ZNF131: variants seen among roughly 807,000 people sequenced by gnomAD.
ZNF131 encodes the protein zinc finger protein 131.
Under a neutral mutation model 60.0 loss-of-function variants are expected in ZNF131, and 7 were observed. That is an observed-to-expected ratio of 0.12 (90% confidence interval 0.07 to 0.22). The LOEUF (loss-of-function observed/expected upper bound fraction) is 0.22, where lower values mean the gene tolerates loss of function less well. Among genes scored for constraint, ZNF131 ranks in the 10% least tolerant of loss-of-function variants. The pLI, the probability that ZNF131 is intolerant of heterozygous loss-of-function variation, is 1.00. For synonymous variants in ZNF131, 257 were observed against 253.2 expected (o/e 1.01, Z -0.14); for missense variants, 493 against 740.9 (o/e 0.67, Z 3.88).
chr5:43,131,114 C>G (rs897276413), intron 3 of ZNF131, among the ~76,000 whole-genome samples: 2 of 151,988 alleles, frequency 1.3e-5, no homozygotes, highest in African/African-American at 4.8e-5. Context: ...ATCTGTCCAT[C>G]TTGGCCTCCC....
chr5:43,143,366 T>C, intron 4 of ZNF131: 1 of 1,330,554 alleles, frequency 7.5e-7, no homozygotes. Context: ...ATTTTAGATC[T>C]TGTTGAAAGC....
chr5:43,151,411 T>G (rs1055308730), intron 4 of ZNF131, among the ~76,000 whole-genome samples: 7 of 152,172 alleles, frequency 4.6e-5, no homozygotes, highest in African/African-American at 1.7e-4. Flanking sequence ...AACCACCTCT[T>G]AGGTGTAAGT....
chr5:43,148,364 A>G (rs1290688191), intron 4 of ZNF131, among the ~76,000 whole-genome samples: 3 of 152,174 alleles, frequency 2.0e-5, no homozygotes, highest in Non-Finnish European at 4.4e-5. Flanking sequence ...GTGCAACAGA[A>G]CGAGACCCTG....
At position 43,174,984 on chromosome 5, in the gene ZNF131, G is replaced by A. The variant is rs1414300774; in HGVS notation, c.1723G>A (p.Glu575Lys). Residue 575 changes from glutamate to lysine, a missense_variant, in exon 7 of 7, where the codon GAG becomes AAG. Physicochemically the swap from Glu to Lys is moderately conservative, Grantham distance 56. Around this residue, in one of 7 missense-constraint regions of ZNF131, gnomAD observed 202 missense variants for 221.3 expected, o/e 0.91. Coordinates refer to ENST00000682664, the MANE Select transcript of ZNF131 (RefSeq NM_001330707.2). ...DHVTPEIMNQ[E>K]ERESSQADAA... ...CGTGACCCCAGAAATCATGAACCAA[G>A]AGGAGAGAGAGTCTAGCCAAGCAGA... 2.5e-6 allele frequency: 4 copies of A among 1,614,044 alleles called. No individual in the cohort carries two copies. The East Asian group carries it at 8.9e-5, about 36-fold the overall frequency.
At chr5:43,162,829 C>T (rs148439663) in intron 5 of ZNF131, among the ~76,000 whole-genome samples, 8,600 of 144,168 alleles carry the variant, frequency 0.06, 539 homozygotes, top group African/African-American at 0.16. Flanking sequence ...TGCTTGAACC[C>T]GGGAGGCAGA....
chr5:43,134,471 T>C (rs530029947), intron 3 of ZNF131, among the ~76,000 whole-genome samples: 3 of 152,216 alleles, frequency 2.0e-5, no homozygotes, highest in South Asian at 2.1e-4. Flanking sequence ...CCTACTCTTA[T>C]CACTTCAATA....
chr5:43,135,200 G>A (rs1483369777), intron 3 of ZNF131, among the ~76,000 whole-genome samples: 1 of 150,464 alleles, frequency 6.6e-6, no homozygotes, highest in Non-Finnish European at 1.5e-5. Flanking sequence ...GTTTCTCCAT[G>A]TTGAGGCTGG....
At chr5:43,137,470 G>A (rs1366060252) in intron 3 of ZNF131, among the ~76,000 whole-genome samples, 1 of 151,510 alleles carries the variant, frequency 6.6e-6, no homozygotes, top group African/African-American at 2.4e-5. Context: ...CAAACAGATG[G>A]CCAACAGATA....
intron 4 of ZNF131, among the ~76,000 whole-genome samples, chr5:43,152,723 C>T (rs765488010): frequency 6.6e-6 from 1 of 152,186 alleles, no homozygotes; most frequent in Non-Finnish European, 1.5e-5. Context: ...CCTCCCACCT[C>T]AGCCTCCCAA....
chr5:43,139,416 G>C lies in ZNF131; in HGVS notation c.371+107G>C, dbSNP rs1447185360. 2.6e-6 allele frequency: 3 copies of C among 1,141,394 alleles called. No homozygotes were observed. In the African/African-American group the frequency reaches 4.8e-5, roughly 18 times the overall value. The allele number at this position is 1,141,394 out of a possible 1,614,324, so 70.7% of individuals were successfully genotyped here. On this transcript the variant is annotated intron_variant, in intron 4 of 6. Coordinates refer to ENST00000682664, the MANE Select transcript of ZNF131 (RefSeq NM_001330707.2). ...ATGCCATGAAGAACAGAGTTCTTCA[G>C]AAGAATTAAGAATATTTAAGGATCT...
At chr5:43,167,507 C>G (rs1209421097) in intron 5 of ZNF131, among the ~76,000 whole-genome samples, 1 of 152,086 alleles carries the variant, frequency 6.6e-6, no homozygotes, top group Admixed American at 6.5e-5. Context: ...AACGTATATA[C>G]CCCATTAGTT....
chr5:43,163,130 G>A (rs996023848), intron 5 of ZNF131, among the ~76,000 whole-genome samples: 4 of 151,126 alleles, frequency 2.6e-5, no homozygotes, highest in Non-Finnish European at 4.4e-5. Context: ...GCACCACCAC[G>A]CCCCTGGCTA....
chr5:43,146,617 T>C (rs1216093232), intron 4 of ZNF131, among the ~76,000 whole-genome samples: 1 of 150,630 alleles, frequency 6.6e-6, no homozygotes, highest in African/African-American at 2.4e-5. Context: ...AACAAAAAAC[T>C]GTGTATGAGT....
chr5:43,143,950 T>G (rs558042017), intron 4 of ZNF131, among the ~76,000 whole-genome samples: 83 of 126,592 alleles, frequency 6.6e-4, no homozygotes, highest in Admixed American at 3.6e-3. Context: ...TGAGACGGAG[T>G]CTCGCTCTGT....
In ZNF131 at chr5:43,176,311, TTTAAAA is replaced by T. The variant is rs1415605225; in HGVS notation, c.*1182_*1187del. 2 of 152,234 alleles carry T rather than the reference TTTAAAA, an allele frequency of 1.3e-5. No homozygotes were observed. The highest frequency in any genetic ancestry group is 2.4e-5 in the African/African-American group (1 of 41,464). The allele number at this position is 152,234 out of a possible 1,614,324, so 9.4% of individuals were successfully genotyped here. ...AGTTCTTTACATTTTTTAAGTAAACTTTAAAATTATGTGTTCATGACTCTTTTTTAA... is the reference window on the plus strand; with the variant it reads ...AGTTCTTTACATTTTTTAAGTAAACTTTATGTGTTCATGACTCTTTTTTAA... On this transcript the variant is annotated 3_prime_UTR_variant, in exon 7 of 7. Transcript: ENST00000682664.
At chr5:43,156,619 G>T (rs919956960) in intron 4 of ZNF131, among the ~76,000 whole-genome samples, 1 of 152,188 alleles carries the variant, frequency 6.6e-6, no homozygotes, top group Admixed American at 6.5e-5. Context: ...TGCTGACACC[G>T]ATCTATTTCA....
At chr5:43,166,737 CCTCTGCCTCCCGGGTTCAAGCAGTT>C (rs1750414865) in intron 5 of ZNF131, among the ~76,000 whole-genome samples, 1 of 151,682 alleles carries the variant, frequency 6.6e-6, no homozygotes, top group African/African-American at 2.4e-5. Flanking sequence ...CTCACTGCAA[CCTCTGCCTCCCGGGTTCAAGCAGTT>C]CTCTGCCTCA....
At chr5:43,151,500 T>C (rs1160973063) in intron 4 of ZNF131, among the ~76,000 whole-genome samples, 1 of 152,092 alleles carries the variant, frequency 6.6e-6, no homozygotes, top group Non-Finnish European at 1.5e-5. Context: ...AGTGACGCAA[T>C]CTCAGTTCGC....
chr5:43,135,517 G>A (rs1301120494), intron 3 of ZNF131, among the ~76,000 whole-genome samples: 2 of 151,706 alleles, frequency 1.3e-5, no homozygotes, highest in African/African-American at 2.4e-5. Context: ...GGGAGGCGGA[G>A]GCGGGTGGAT....
Sources: gnomAD v4.1 joint callset for allele counts (sites outside exome capture counted in the v4.1 genomes callset) on GRCh38, gnomAD v4.1.1 for gene constraint, gnomAD v4.1.1 regional missense constraint, MANE v1.5 for transcripts, NCBI Gene and HGNC (gene_info 2026-07-23, HGNC 2026-07-21) for gene names.